Variants in NYAP2 observed in about 807,000 individuals in gnomAD.
NYAP2 encodes neuronal tyrosine-phosphorylated phosphoinositide-3-kinase adapter 2.
Under a neutral mutation model 50.4 loss-of-function variants are expected in NYAP2, and 23 were observed. The ratio of observed to expected loss-of-function variants is 0.46; its 90% CI spans 0.33 to 0.65. NYAP2 has a LOEUF of 0.65. Ranked by LOEUF, NYAP2 falls within the 30% of genes least tolerant of loss-of-function variation. The probability of loss-of-function intolerance (pLI) is 0.02; values close to 1 mark genes in which losing one functional copy is unlikely to be tolerated. For synonymous variants in NYAP2, 394 were observed against 365.2 expected (o/e 1.08, Z -0.90); for missense variants, 885 against 861.0 (o/e 1.03, Z -0.35).
chr2:225,519,333 A>G (rs911241338), intron 4 of NYAP2, among the ~76,000 whole-genome samples: 2 of 151,860 alleles, frequency 1.3e-5, no homozygotes, highest in Admixed American at 1.3e-4. Flanking sequence ...CAGGTTAGTT[A>G]CATATGTATA....
the NYAP2 span, among the ~76,000 whole-genome samples, chr2:225,663,008 T>G: frequency 1.3e-5 from 2 of 152,188 alleles, no homozygotes; most frequent in Non-Finnish European, 2.9e-5. Context: ...AAAGCACACT[T>G]TAGACCAGAA....
At chr2:225,421,632 C>T (rs906120430) in intron 3 of NYAP2, among the ~76,000 whole-genome samples, 26 of 152,152 alleles carry the variant, frequency 1.7e-4, no homozygotes, top group Non-Finnish European at 7.3e-5. Context: ...AGACTAGAAT[C>T]TAAAATAGTT....
intron 5 of NYAP2, among the ~76,000 whole-genome samples, chr2:225,587,813 G>T (rs1255351057): frequency 1.6e-5 from 2 of 125,456 alleles, no homozygotes; most frequent in African/African-American, 5.5e-5. Context: ...AAAGAGAAAT[G>T]ATGTCTTGGC....
At chr2:225,575,363 T>C (rs910048754) in intron 4 of NYAP2, among the ~76,000 whole-genome samples, 2 of 152,172 alleles carry the variant, frequency 1.3e-5, no homozygotes, top group Non-Finnish European at 2.9e-5. Flanking sequence ...GTTTTAGGTA[T>C]GTATAACTGC....
chr2:225,547,326 T>C (rs562950552), intron 4 of NYAP2, among the ~76,000 whole-genome samples: 7 of 152,312 alleles, frequency 4.6e-5, no homozygotes, highest in South Asian at 4.1e-4. Context: ...CTTGTGTCTG[T>C]CTCACTAGAT....
chr2:225,426,567 T>C (rs376280366), intron 3 of NYAP2, among the ~76,000 whole-genome samples: 2 of 152,174 alleles, frequency 1.3e-5, no homozygotes, highest in East Asian at 1.9e-4. Context: ...AGGAAGCTAG[T>C]CGTGTGGTGT....
At chr2:225,512,899 T>TCC (rs1690858343) in intron 3 of NYAP2, among the ~76,000 whole-genome samples, 1 of 144,734 alleles carries the variant, frequency 6.9e-6, no homozygotes, top group Non-Finnish European at 1.5e-5. Context: ...CTTCCTTCCT[T>TCC]TCCTTTCCTT....
chr2:225,508,817 C>G (rs1690758376), intron 3 of NYAP2, among the ~76,000 whole-genome samples: 1 of 152,206 alleles, frequency 6.6e-6, no homozygotes, highest in Non-Finnish European at 1.5e-5. Context: ...AACTAAAATG[C>G]TGCACCAGAT....
intron 4 of NYAP2, among the ~76,000 whole-genome samples, chr2:225,538,842 C>CTTTTTATT (rs1691405048): frequency 2.0e-5 from 1 of 49,714 alleles, no homozygotes; most frequent in East Asian, 5.2e-4. Context: ...TTCTTTCTTT[C>CTTTTTATT]TTTCTTTGTT....
chr2:225,419,067 G>A (rs1695171595), intron 3 of NYAP2, among the ~76,000 whole-genome samples: 1 of 152,184 alleles, frequency 6.6e-6, no homozygotes, highest in Non-Finnish European at 1.5e-5. Flanking sequence ...ATGAACAATT[G>A]CCTAGAGGTC....
chr2:225,412,602 T>C (rs902880919), intron 3 of NYAP2, among the ~76,000 whole-genome samples: 10 of 152,068 alleles, frequency 6.6e-5, no homozygotes, highest in Non-Finnish European at 8.8e-5. Flanking sequence ...AGCCAAATTA[T>C]GGAGGTAAAA....
rs540898329 is a variant in NYAP2, at chr2:225,443,690, T to A, written c.221+34589T>A. Reference sequence around the variant, plus strand: ...AGCAAGAAACTACCTGTAAACTACATCTGTATTAACCACTAAACCAATTAT... The same window carrying A: ...AGCAAGAAACTACCTGTAAACTACAACTGTATTAACCACTAAACCAATTAT... On this transcript the variant is annotated intron_variant, in intron 3 of 6. Transcript: ENST00000636099. 2.6e-5 allele frequency among the ~76,000 whole-genome samples: 4 copies of A among 152,310 alleles called. No individual in the cohort carries two copies. In the South Asian group the frequency reaches 8.3e-4, roughly 32 times the overall value.
intron 4 of NYAP2, among the ~76,000 whole-genome samples, chr2:225,544,578 T>C (rs919555272): frequency 1.3e-5 from 2 of 152,126 alleles, no homozygotes; most frequent in Non-Finnish European, 2.9e-5. Flanking sequence ...CTTTACACTT[T>C]AACTTCGTCT....
chr2:225,446,566 A>G (rs1021101375), intron 3 of NYAP2, among the ~76,000 whole-genome samples: 1 of 152,152 alleles, frequency 6.6e-6, no homozygotes, highest in Non-Finnish European at 1.5e-5. Context: ...ATAGAAACAC[A>G]GAGGAAGGAA....
At chr2:225,512,835 C>CCT (rs1690849793) in intron 3 of NYAP2, among the ~76,000 whole-genome samples, 2 of 58,748 alleles carry the variant, frequency 3.4e-5, no homozygotes, top group Non-Finnish European at 8.2e-5. Flanking sequence ...CTCTCTCTCT[C>CCT]TCTTTCTTTC....
the NYAP2 span, among the ~76,000 whole-genome samples, chr2:225,671,083 A>G: frequency 6.6e-6 from 1 of 152,116 alleles, no homozygotes; most frequent in Non-Finnish European, 1.5e-5. Context: ...TGGCTGTGGC[A>G]ATTTCTTAAA....
chr2:225,571,555 G>A (rs900757761), intron 4 of NYAP2, among the ~76,000 whole-genome samples: 13 of 152,230 alleles, frequency 8.5e-5, no homozygotes, highest in Non-Finnish European at 1.6e-4. Context: ...AGCAATGGCC[G>A]AGTTGTACCT....
chr2:225,433,172 T>C (rs1354235989), intron 3 of NYAP2, among the ~76,000 whole-genome samples: 1 of 152,158 alleles, frequency 6.6e-6, no homozygotes, highest in Non-Finnish European at 1.5e-5. Context: ...TCATTAATTG[T>C]CTAATTATGT....
At chr2:225,403,971 A>G (rs1694901435) in intron 2 of NYAP2, among the ~76,000 whole-genome samples, 1 of 152,012 alleles carries the variant, frequency 6.6e-6, no homozygotes, top group Admixed American at 6.6e-5. Context: ...TTAACCATGT[A>G]TGAGAAGGAA....
Sources: gnomAD v4.1 joint callset for allele counts (sites outside exome capture counted in the v4.1 genomes callset) on GRCh38, gnomAD v4.1.1 for gene constraint, MANE v1.5 for transcripts, NCBI Gene and HGNC (gene_info 2026-07-23, HGNC 2026-07-21) for gene names.